ARPC2: variants seen among roughly 807,000 people sequenced by gnomAD.
ARPC2 encodes actin-related protein 2/3 complex subunit 2.
A neutral mutation model predicts 38.6 loss-of-function variants in ARPC2; 4 were observed. The observed-to-expected ratio is 0.10, with a 90% CI of 0.05 to 0.24. The LOEUF (loss-of-function observed/expected upper bound fraction) is 0.24, where lower values mean the gene tolerates loss of function less well. Ranked by LOEUF, ARPC2 falls within the 10% of genes least tolerant of loss-of-function variation. The pLI is 1.00. For missense variants in ARPC2, 229 were observed against 387.3 expected (o/e 0.59, Z 3.43); for synonymous variants, 125 against 140.8 (o/e 0.89, Z 0.79).
intron 7 of ARPC2, among the ~76,000 whole-genome samples, chr2:218,243,417 GTGTT>G (rs1247555897): frequency 2.6e-5 from 4 of 152,346 alleles, no homozygotes; most frequent in East Asian, 3.9e-4. Context: ...CTGTTTGGGT[GTGTT>G]TGTTTGTTTA....
chr2:218,229,766 A>G (rs1018263910), intron 4 of ARPC2, among the ~76,000 whole-genome samples: 1 of 152,246 alleles, frequency 6.6e-6, no homozygotes, highest in African/African-American at 2.4e-5. Flanking sequence ...ATTCAAATGC[A>G]ATTGATTTTC....
In ARPC2 at chr2:218,238,816, A is replaced by G; in HGVS notation, c.421A>G (p.Arg141Gly). ...AGAAGAGGGCAAGGAAGGAGAGAAC[A>G]GGGCAGTTATCCATTATAGGGATGA... The part of the protein sequence containing the change: ...FQEEGKEGEN[R>G]AVIHYRDDET... Residue 141 changes from arginine (R) to glycine (G), a missense_variant, in exon 6 of 11, where the codon AGG becomes GGG. Arg to Gly is a moderately radical substitution (Grantham distance 125). Transcript: ENST00000315717. 6.2e-7 allele frequency: 1 copy of G among 1,614,054 alleles called. No individual in the cohort carries two copies. The highest frequency in any genetic ancestry group is 8.5e-7 in the Non-Finnish European group (1 of 1,179,960).
intron 7 of ARPC2, among the ~76,000 whole-genome samples, chr2:218,241,275 G>T (rs1689909481): frequency 6.6e-6 from 1 of 152,190 alleles, no homozygotes; most frequent in Non-Finnish European, 1.5e-5. Context: ...ATTCTCAACT[G>T]CTCCATCCCT....
chr2:218,253,869 G>A (rs371928212), intron 10 of ARPC2, 22 bp from the exon 11 acceptor site: 108 of 1,613,300 alleles, frequency 6.7e-5, no homozygotes, highest in Non-Finnish European at 7.9e-5. Context: ...ACTGACCTTC[G>A]CACTTATCTC....
intron 3 of ARPC2, among the ~76,000 whole-genome samples, chr2:218,228,440 G>A (rs571339683): frequency 6.6e-6 from 1 of 152,148 alleles, no homozygotes; most frequent in Admixed American, 6.5e-5. Flanking sequence ...TGATGGAGAT[G>A]AGAGTTCATT....
At chr2:218,222,815 G>A (rs1018430872) in intron 2 of ARPC2, among the ~76,000 whole-genome samples, 1 of 152,104 alleles carries the variant, frequency 6.6e-6, no homozygotes, top group African/African-American at 2.4e-5. Context: ...GAGAAAACCA[G>A]GGCTCTTGAG....
chr2:218,237,877 A>G (rs1203635451), intron 5 of ARPC2, among the ~76,000 whole-genome samples: 8 of 152,140 alleles, frequency 5.3e-5, no homozygotes, highest in Non-Finnish European at 4.4e-5. Context: ...AGTTTTTTTA[A>G]GGTCACAAAA....
At chr2:218,229,882 T>A (rs1240627751) in intron 4 of ARPC2, among the ~76,000 whole-genome samples, 2 of 152,140 alleles carry the variant, frequency 1.3e-5, no homozygotes, top group African/African-American at 4.8e-5. Context: ...TTATAAAGCT[T>A]ATGAAGAATT....
intron 7 of ARPC2, among the ~76,000 whole-genome samples, chr2:218,243,826 C>T (rs1367619045): frequency 6.6e-6 from 1 of 152,136 alleles, no homozygotes; most frequent in Non-Finnish European, 1.5e-5. Flanking sequence ...GTTGACCGAG[C>T]CTTAAATATG....
chr2:218,234,024 C>A, intron 4 of ARPC2: 1 of 173,276 alleles, frequency 5.8e-6, no homozygotes. Flanking sequence ...AAAAAATTAG[C>A]CGGGCATGGT....
chr2:218,240,632 C>G (rs946396883), intron 7 of ARPC2, among the ~76,000 whole-genome samples: 4 of 152,104 alleles, frequency 2.6e-5, no homozygotes, highest in Non-Finnish European at 5.9e-5. Context: ...TGGCTGACGC[C>G]TGTAATCCCA....
intron 7 of ARPC2, among the ~76,000 whole-genome samples, chr2:218,240,715 C>T (rs1331083826): frequency 7.1e-6 from 1 of 141,094 alleles, no homozygotes; most frequent in African/African-American, 2.5e-5. Context: ...CATGGTGAAA[C>T]CCCGTCTCTA....
At chr2:218,245,263 C>T (rs552312499) in intron 7 of ARPC2, among the ~76,000 whole-genome samples, 157 bp from the exon 8 acceptor site, 1 of 152,302 alleles carries the variant, frequency 6.6e-6, no homozygotes, top group African/African-American at 2.4e-5. Flanking sequence ...TAGCAGCTAG[C>T]ACTTGTCATA....
chr2:218,218,715 G>A (rs1458546777), intron 2 of ARPC2, among the ~76,000 whole-genome samples: 1 of 152,224 alleles, frequency 6.6e-6, no homozygotes, highest in Non-Finnish European at 1.5e-5. Flanking sequence ...TGGTCATAAT[G>A]TACTTGTGGC....
intron 8 of ARPC2, among the ~76,000 whole-genome samples, chr2:218,248,742 G>A (rs965584795): frequency 6.6e-6 from 1 of 152,224 alleles, no homozygotes; most frequent in Non-Finnish European, 1.5e-5. Context: ...GATTACAGGC[G>A]TGAGCCATCG....
At chr2:218,240,657 CGAG>C in intron 7 of ARPC2, among the ~76,000 whole-genome samples, 1 of 152,020 alleles carries the variant, frequency 6.6e-6, no homozygotes, top group South Asian at 2.1e-4. Flanking sequence ...TGTGGGAGGC[CGAG>C]GTGGGCGGAT....
In ARPC2 at chr2:218,253,996, CG is replaced by C; in HGVS notation, c.*82del. 6.3e-7 allele frequency: 1 copy of C among 1,576,432 alleles called. No individual in the cohort carries two copies. The stretch of plus-strand genomic sequence containing the variant: ...TGGATAATCGTAGCTTTTAATGTTG[CG>C]CCTCTTCAGGTTCTTAAGGGATTCT... On this transcript the variant is annotated 3_prime_UTR_variant, in exon 11 of 11. Coordinates refer to ENST00000315717, the MANE Select transcript of ARPC2 (RefSeq NM_152862.3).
At chr2:218,235,025 G>A in intron 5 of ARPC2, 1 of 343,862 alleles carries the variant, frequency 2.9e-6, no homozygotes, top group South Asian at 2.2e-5. Context: ...CATTTAGCAG[G>A]ACCCCAAAGT....
chr2:218,246,141 C>T lies in ARPC2; in HGVS notation c.676+595C>T, dbSNP rs533805819. 4.0e-5 allele frequency among the ~76,000 whole-genome samples: 6 copies of T among 151,228 alleles called. No homozygotes were observed. The South Asian group carries it at 1.3e-3, about 32-fold the overall frequency. On this transcript the variant is annotated intron_variant, in intron 8 of 10. Coordinates refer to ENST00000315717, the MANE Select transcript of ARPC2 (RefSeq NM_152862.3). ...CTGAGGCAGGAGAATTGCTTGAACC[C>T]GGGAGGTGGAGGTTGTAATGAGCTG...
Sources: gnomAD v4.1 joint callset for allele counts (sites outside exome capture counted in the v4.1 genomes callset) on GRCh38, gnomAD v4.1.1 for gene constraint, MANE v1.5 for transcripts, NCBI Gene and HGNC (gene_info 2026-07-23, HGNC 2026-07-21) for gene names.